Variants in WDCP observed in about 807,000 individuals in gnomAD.
The protein encoded by WDCP is WD repeat and coiled-coil-containing protein.
In WDCP, 19 loss-of-function variants were observed where a neutral mutation model predicts 41.6. The ratio of observed to expected loss-of-function variants is 0.46; its 90% CI spans 0.32 to 0.67. The LOEUF is 0.67. Ranked by LOEUF, WDCP falls within the 30% of genes least tolerant of loss-of-function variation. WDCP has a pLI of 0.04. For synonymous variants in WDCP, 302 were observed against 320.8 expected (o/e 0.94, Z 0.63); for missense variants, 802 against 850.7 (o/e 0.94, Z 0.71).
rs1663351321 is a variant in WDCP, at chr2:24,039,270, A to T, written c.225T>A (p.Val75=). The change falls in exon 2 of 4, where the codon GTT becomes GTA. Residue 75 remains valine (V), a synonymous_variant. Transcript: ENST00000295148. The part of the protein sequence containing the change: ...WAPPVADDTP[V]LLAVQHEKHV... ...GCTTCTCATGCTGGACAGCGAGTAG[A>T]ACAGGTGTATCATCTGCAACAGGTG... 1 of 1,614,212 alleles carries T rather than the reference A, an allele frequency of 6.2e-7. No individual in the cohort carries two copies.
intron 2 of WDCP, among the ~76,000 whole-genome samples, chr2:24,036,292 G>T (rs1663254212): frequency 6.6e-6 from 1 of 151,510 alleles, no homozygotes; most frequent in Non-Finnish European, 1.5e-5. Context: ...TATCACTTGA[G>T]CCCAGGAGGT....
chr2:24,040,702 G>A (rs553077258), intron 1 of WDCP, among the ~76,000 whole-genome samples: 23 of 152,240 alleles, frequency 1.5e-4, no homozygotes, highest in African/African-American at 5.3e-4. Flanking sequence ...TTTTCCCCCA[G>A]GCATTTGAAT....
In WDCP at chr2:24,037,794, G is replaced by T; in HGVS notation, c.1701C>A (p.Asn567Lys). 6.2e-7 allele frequency: 1 copy of T among 1,614,186 alleles called. No individual in the cohort carries two copies. The highest frequency in any genetic ancestry group is 2.2e-5 in the East Asian group (1 of 44,888). ...AAAGACACCGTTGCATTTCAACCAG[G>T]TTCCTAGATAAAATTTCCACTTCCT... ...LSKEVEILSR[N>K]LVEMQRCLSE... Residue 567 changes from asparagine (N) to lysine (K), a missense_variant, in exon 2 of 4, where the codon AAC becomes AAA. By Grantham distance (94) the Asn-to-Lys change is moderately conservative. This residue lies in a region of WDCP where 321 missense variants were observed against 305.1 expected (regional missense o/e 1.05). Transcript: ENST00000295148.
At chr2:24,037,597 CTCA>C in intron 2 of WDCP, 77 bp downstream of exon 2, 1 of 1,393,574 alleles carries the variant, frequency 7.2e-7, no homozygotes, top group Non-Finnish European at 9.7e-7. Context: ...CACCATCTTC[CTCA>C]TCAATACGTT....
At chr2:24,037,308 C>G (rs1663285658) in intron 2 of WDCP, among the ~76,000 whole-genome samples, 1 of 152,210 alleles carries the variant, frequency 6.6e-6, no homozygotes, top group African/African-American at 2.4e-5. Context: ...CAGGCGTGAG[C>G]CATGGAGCCC....
chr2:24,046,620 A>T (rs1304089059), intron 1 of WDCP, among the ~76,000 whole-genome samples: 1 of 152,224 alleles, frequency 6.6e-6, no homozygotes, highest in African/African-American at 2.4e-5. Context: ...CAGCAGGTTT[A>T]AACAAAAGTA....
rs1322836754 is a variant in WDCP at position 24,031,270 on chromosome 2, T to C, written c.1937-108A>G. 3 of 705,900 alleles carry C rather than the reference T, an allele frequency of 4.2e-6. No individual in the cohort carries two copies. The African/African-American group carries it at 5.4e-5, about 13-fold the overall frequency. 43.7% of individuals were successfully genotyped at this position (705,900 alleles called of 1,614,324 possible). A position where few individuals can be genotyped will look rare whatever the true frequency, so the allele number is the denominator to read the frequency against. ...AGTGAAGGAATATAGTAGTTGATAA[T>C]ATTCAACTCAATCCTTGTAAGATTT... On this transcript the variant is annotated intron_variant, in intron 3 of 3. Coordinates refer to ENST00000295148, the MANE Select transcript of WDCP (RefSeq NM_025203.3).
intron 2 of WDCP, among the ~76,000 whole-genome samples, chr2:24,035,755 TA>T (rs1553317223): frequency 6.7e-6 from 1 of 150,018 alleles, no homozygotes; most frequent in Non-Finnish European, 1.5e-5. Flanking sequence ...TCTCTATAGT[TA>T]AAAAAAAATT....
chr2:24,041,880 A>G (rs1663448356), intron 1 of WDCP, among the ~76,000 whole-genome samples: 1 of 141,556 alleles, frequency 7.1e-6, no homozygotes, highest in Non-Finnish European at 1.5e-5. Flanking sequence ...AAAAAAAAAA[A>G]AGATACATAT....
At chr2:24,046,328 T>C (rs1663624383) in intron 1 of WDCP, among the ~76,000 whole-genome samples, 1 of 152,212 alleles carries the variant, frequency 6.6e-6, no homozygotes, top group African/African-American at 2.4e-5. Context: ...GACCAAGGTT[T>C]AAATGCTCTT....
chr2:24,035,066 C>T (rs1663202948), intron 2 of WDCP, among the ~76,000 whole-genome samples: 2 of 151,236 alleles, frequency 1.3e-5, no homozygotes, highest in African/African-American at 2.4e-5. Flanking sequence ...GAAATATTTA[C>T]ATCTAACATC....
intron 1 of WDCP, chr2:24,045,991 C>A (rs6737650): frequency 0.99 from 151,146 of 152,262 alleles, 75,024 homozygotes; most frequent in South Asian, 1. Context: ...GTGCAGCGTC[C>A]CACACCTGCA....
At position 24,038,392 on chromosome 2, in the gene WDCP, G is replaced by C; in HGVS notation, c.1103C>G (p.Ser368Cys). 1 of 1,614,182 alleles carries C rather than the reference G, an allele frequency of 6.2e-7. No homozygotes were observed. The highest frequency in any genetic ancestry group is 1.3e-5 in the African/African-American group (1 of 75,056). The change falls in exon 2 of 4, where the codon TCT becomes TGT. Residue 368 changes from serine to cysteine, a missense_variant. Transcript: ENST00000295148. Reference protein sequence around the residue: ...SNTCNIILIYSVIPSSVPNIQ... With the variant: ...SNTCNIILIYCVIPSSVPNIQ... ...GTTTGGGACTGAAGATGGAATGACA[G>C]AGTAGATCAAAATTATATTACAAGT...
In WDCP at chr2:24,038,145, A is replaced by G; in HGVS notation, c.1350T>C (p.Thr450=). The change falls in exon 2 of 4, where the codon ACT becomes ACC. Residue 450 remains threonine (T), a synonymous_variant. Coordinates refer to ENST00000295148, the MANE Select transcript of WDCP (RefSeq NM_025203.3). ...TTGCTTTATTTAACGGAGCACTGAA[A>G]GTAGAGTAGGTAGTCTGGCTTTCAC... is the stretch of plus-strand genomic sequence containing the variant. The part of the protein sequence containing the change: ...TSGESQTTYS[T]FSAPLNKANR... The G allele has an allele frequency of 1.9e-6, 3 of 1,614,242 alleles. No individual in the cohort carries two copies. Among genetic ancestry groups the G allele is most frequent in the Non-Finnish European group, 1.7e-6 (2 of 1,180,038 alleles).
rs895996300 is a variant in WDCP at position 24,047,388 on chromosome 2, T to G, written c.-93A>C. 6.6e-6 allele frequency: 1 copy of G among 152,046 alleles called. No homozygotes were observed. Among genetic ancestry groups the G allele is most frequent in the Non-Finnish European group, 1.5e-5 (1 of 68,050 alleles). The allele number at this position is 152,046 out of a possible 1,614,324, so 9.4% of individuals were successfully genotyped here. On this transcript the variant is annotated 5_prime_UTR_variant, in exon 1 of 4. Coordinates refer to ENST00000295148, the MANE Select transcript of WDCP (RefSeq NM_025203.3). The stretch of plus-strand genomic sequence containing the variant: ...ACATCACGCCGCCGCACATAAGAAG[T>G]TCTGGGCAGCCACCGGAAGCACCGG...
intron 1 of WDCP, chr2:24,045,790 C>G (rs1394182028): frequency 6.6e-6 from 1 of 151,960 alleles, no homozygotes; most frequent in Non-Finnish European, 1.5e-5. Context: ...CTAGGCAACA[C>G]AGGGAGACCC....
chr2:24,039,999 C>T (rs1198882642), intron 1 of WDCP, among the ~76,000 whole-genome samples: 2 of 151,968 alleles, frequency 1.3e-5, no homozygotes. Flanking sequence ...CGGGGTTTCA[C>T]TATGTTGGCC....
rs140144798 is a variant in WDCP at position 24,037,871 on chromosome 2, A to G, written c.1624T>C (p.Leu542=). The G allele has an allele frequency of 2.1e-3, 3,367 of 1,614,038 alleles. 8 individuals are homozygous for G. Among genetic ancestry groups the G allele is most frequent in the Non-Finnish European group, 2.7e-3 (3,197 of 1,180,016 alleles). Residue 542 remains leucine (L), a synonymous_variant, in exon 2 of 4, where the codon TTG becomes CTG. Coordinates refer to ENST00000295148, the MANE Select transcript of WDCP (RefSeq NM_025203.3). ...DHTSTLEPPR[L]PQRKNLQSEK... ...CTTTGTAAGTTCTTTCTTTGAGGCA[A>G]ACGAGGAGGCTCCAGTGTGCTGGTG...
Position 24,039,293 on chromosome 2 carries a change from G to C in WDCP, c.202C>G (p.Pro68Ala). Residue 68 changes from proline to alanine, a missense_variant, in exon 2 of 4, where the codon CCT (proline) becomes GCT (alanine). Coordinates refer to ENST00000295148, the MANE Select transcript of WDCP (RefSeq NM_025203.3). ...ECVCGLSWAP[P>A]VADDTPVLLA... Reference sequence around the variant, plus strand: ...AGAACAGGTGTATCATCTGCAACAGGTGGGGCCCAGGACAACCCACAGACA... The same window carrying C: ...AGAACAGGTGTATCATCTGCAACAGCTGGGGCCCAGGACAACCCACAGACA... 6.2e-7 allele frequency: 1 copy of C among 1,614,218 alleles called. No individual in the cohort carries two copies. The highest frequency in any genetic ancestry group is 1.1e-5 in the South Asian group (1 of 91,084).
Sources: gnomAD v4.1 joint callset for allele counts (sites outside exome capture counted in the v4.1 genomes callset) on GRCh38, gnomAD v4.1.1 for gene constraint, gnomAD v4.1.1 regional missense constraint, MANE v1.5 for transcripts, NCBI Gene and HGNC (gene_info 2026-07-23, HGNC 2026-07-21) for gene names.